Variants in ADGRV1 observed in about 807,000 individuals in gnomAD.
ADGRV1 encodes G-protein coupled receptor 98.
ADGRV1 carries 359 observed loss-of-function variants against 596.2 expected under a neutral mutation model. That is an observed-to-expected ratio of 0.60 (90% confidence interval 0.55 to 0.66). ADGRV1 has a LOEUF of 0.66. ADGRV1 is among the 30% of genes least tolerant of loss of function. The pLI, the probability that ADGRV1 is intolerant of heterozygous loss-of-function variation, is 0.00. For missense variants in ADGRV1, 7,274 were observed against 7,575.6 expected, an observed-to-expected ratio of 0.96 and a Z score of 1.48; for synonymous variants, 2,681 against 2,679.2, an observed-to-expected ratio of 1.00 and a Z score of -0.02.
chr5:90,998,873 C>A (rs1456487755), intron 85 of ADGRV1, among the ~76,000 whole-genome samples: 1 of 151,996 alleles, frequency 6.6e-6, no homozygotes, highest in Non-Finnish European at 1.5e-5. Flanking sequence ...ACTTGTATTT[C>A]TTTAATTATT....
intron 52 of ADGRV1, 102 bp downstream of exon 52, chr5:90,745,897 C>T (rs568050056): frequency 1.5e-6 from 1 of 683,794 alleles, no homozygotes; most frequent in African/African-American, 1.8e-5. Context: ...GTTTGAGTGT[C>T]ATCAGCCTCT....
intron 70 of ADGRV1, among the ~76,000 whole-genome samples, chr5:90,797,286 G>GAAA (rs1760837377): frequency 4.2e-5 from 1 of 23,622 alleles, no homozygotes; most frequent in Non-Finnish European, 8.8e-5. Flanking sequence ...CAAATGAAAA[G>GAAA]CAAAAAAAAA....
At chr5:91,080,872 C>A (rs912493009) in intron 86 of ADGRV1, among the ~76,000 whole-genome samples, 6 of 152,086 alleles carry the variant, frequency 3.9e-5, no homozygotes, top group African/African-American at 1.4e-4. Flanking sequence ...AGTATAAGAA[C>A]CCTTTCAATA....
intron 84 of ADGRV1, among the ~76,000 whole-genome samples, chr5:90,969,289 A>G (rs979431739): frequency 1.3e-5 from 2 of 152,226 alleles, no homozygotes; most frequent in Non-Finnish European, 2.9e-5. Context: ...TGTTAAGATA[A>G]TATGTTGTGG....
intron 83 of ADGRV1, among the ~76,000 whole-genome samples, chr5:90,907,385 A>G (rs1238036592): frequency 6.6e-6 from 1 of 152,190 alleles, no homozygotes; most frequent in Non-Finnish European, 1.5e-5. Context: ...AAAATCTGCT[A>G]ATTTGCTACT....
intron 78 of ADGRV1, among the ~76,000 whole-genome samples, chr5:90,842,635 T>C (rs1765532039): frequency 6.6e-6 from 1 of 152,004 alleles, no homozygotes; most frequent in African/African-American, 2.4e-5. Context: ...GGAGAATCGC[T>C]TGAACCCAGG....
chr5:91,151,074 C>A (rs898692654), intron 88 of ADGRV1, among the ~76,000 whole-genome samples: 3 of 152,090 alleles, frequency 2.0e-5, no homozygotes, highest in Non-Finnish European at 2.9e-5. Context: ...TTTGTGTTTA[C>A]TTCCTGAAAA....
At chr5:90,835,821 G>A (rs1452582492) in intron 77 of ADGRV1, among the ~76,000 whole-genome samples, 1 of 152,114 alleles carries the variant, frequency 6.6e-6, no homozygotes, top group East Asian at 1.9e-4. Flanking sequence ...CTAAGAATTT[G>A]TTGCACACAG....
In ADGRV1 at chr5:91,137,214, G is replaced by A. The variant is rs1794713953; in HGVS notation, c.18433-12816G>A. On this transcript the variant is annotated intron_variant, in intron 87 of 89. Coordinates refer to ENST00000405460, the MANE Select transcript of ADGRV1 (RefSeq NM_032119.4). ...GATCCTCCTGCCTCAGCCTCCCAAA[G>A]TACTGAGAATACAAGCTTGAGCCAC... 1.3e-5 allele frequency among the ~76,000 whole-genome samples: 2 copies of A among 151,696 alleles called. 1 individual carries two copies. Among genetic ancestry groups the A allele is most frequent in the Non-Finnish European group, 2.9e-5 (2 of 67,954 alleles).
chr5:90,947,302 G>A (rs1776661174), intron 83 of ADGRV1, among the ~76,000 whole-genome samples: 1 of 148,746 alleles, frequency 6.7e-6, no homozygotes, highest in South Asian at 2.2e-4. Context: ...AGAAGTGTCT[G>A]TTCGTGTCCT....
rs369108080 is a variant in ADGRV1, at chr5:90,788,189, C to G, written c.13772C>G (p.Thr4591Ser). ...YFGEGEGGVR[T>S]IILTIYPHEE... The stretch of plus-strand genomic sequence containing the variant: ...GGAGAAGGAGAAGGAGGAGTGAGAA[C>G]CATAATTCTGACAATCTATCCTCAT... Residue 4591 changes from threonine (T) to serine (S), a missense_variant, in exon 68 of 90, where the codon ACC (threonine) becomes AGC (serine). Physicochemically the swap from Thr to Ser is moderately conservative, Grantham distance 58. This residue lies in a region of ADGRV1 where 3,643 missense variants were observed against 3,809.2 expected (regional missense o/e 0.96). Transcript: ENST00000405460. 2 of 1,613,738 alleles carry G rather than the reference C, an allele frequency of 1.2e-6. No individual in the cohort carries two copies. Among genetic ancestry groups the G allele is most frequent in the Non-Finnish European group, 1.7e-6 (2 of 1,179,764 alleles).
At chr5:90,800,138 G>A (rs1183133692) in intron 70 of ADGRV1, among the ~76,000 whole-genome samples, 2 of 152,130 alleles carry the variant, frequency 1.3e-5, no homozygotes, top group Non-Finnish European at 2.9e-5. Context: ...AGAGTGAACA[G>A]GCAACCTACA....
intron 84 of ADGRV1, among the ~76,000 whole-genome samples, chr5:90,979,912 A>G (rs1055882645): frequency 6.6e-6 from 1 of 152,208 alleles, no homozygotes; most frequent in Non-Finnish European, 1.5e-5. Context: ...GTAGATTTTT[A>G]AAAAATATAT....
intron 83 of ADGRV1, among the ~76,000 whole-genome samples, chr5:90,943,310 A>G (rs968786104): frequency 2.0e-5 from 3 of 152,072 alleles, no homozygotes; most frequent in African/African-American, 7.2e-5. Flanking sequence ...TTAACCACTC[A>G]TCTTACAATC....
chr5:90,573,193 T>G (rs576134504), intron 1 of ADGRV1, among the ~76,000 whole-genome samples: 1 of 152,306 alleles, frequency 6.6e-6, no homozygotes, highest in Admixed American at 6.5e-5. Context: ...GCATAATGAT[T>G]GAGCTCTCCA....
intron 88 of ADGRV1, among the ~76,000 whole-genome samples, chr5:91,151,168 T>A (rs1796022836): frequency 6.6e-6 from 1 of 152,198 alleles, no homozygotes; most frequent in Non-Finnish European, 1.5e-5. Context: ...GATAGATAAA[T>A]CAATAGACTG....
chr5:90,908,846 C>T (rs775352331), intron 83 of ADGRV1, among the ~76,000 whole-genome samples: 1 of 151,922 alleles, frequency 6.6e-6, no homozygotes, highest in Admixed American at 6.6e-5. Flanking sequence ...AACAAACAAA[C>T]AAAAATGTAA....
rs538564554 is a variant in ADGRV1, at chr5:91,134,679, T to C, written c.18433-15351T>C. Reference sequence around the variant, plus strand: ...TTTCCTCATACAAACCTAGAATGTTTCCTTATGTTAAGATTACTTTTTCAG... The same window carrying C: ...TTTCCTCATACAAACCTAGAATGTTCCCTTATGTTAAGATTACTTTTTCAG... On this transcript the variant is annotated intron_variant, in intron 87 of 89. Transcript: ENST00000405460. Among the ~76,000 whole-genome samples the C allele has an allele frequency of 8.3e-4, 127 of 152,346 alleles. 1 individual carries two copies. The highest frequency in any genetic ancestry group is 3.0e-3 in the African/African-American group (123 of 41,582).
intron 9 of ADGRV1, among the ~76,000 whole-genome samples, chr5:90,633,029 G>A (rs537510932): frequency 3.3e-5 from 5 of 152,260 alleles, no homozygotes; most frequent in South Asian, 2.1e-4. Context: ...TTCTTTAGTC[G>A]CTCCTCATTC....
Sources: allele counts gnomAD v4.1 joint callset (sites outside exome capture counted in the v4.1 genomes callset), GRCh38; gene constraint gnomAD v4.1.1; regional missense constraint gnomAD v4.1.1; transcripts MANE v1.5; gene names NCBI Gene and HGNC (gene_info 2026-07-23, HGNC 2026-07-21).